ATP8B1: variants seen among roughly 807,000 people sequenced by gnomAD.
ATP8B1 encodes the protein ATPase phospholipid transporting 8B1, also known as phospholipid-transporting ATPase IC.
A neutral mutation model predicts 149.9 loss-of-function variants in ATP8B1; 80 were observed. The ratio of observed to expected loss-of-function variants is 0.53; its 90% confidence interval spans 0.45 to 0.64. ATP8B1 has a LOEUF of 0.64. Ranked by LOEUF, ATP8B1 falls within the 30% of genes least tolerant of loss-of-function variation. ATP8B1 has a pLI of 0.00. For missense variants in ATP8B1, 1,247 were observed against 1,552.6 expected, an observed-to-expected ratio of 0.80 and a Z score of 3.31; for synonymous variants, 536 against 562.8, an observed-to-expected ratio of 0.95 and a Z score of 0.67.
chr18:57,796,286 C>T (rs2080514849), intron 1 of ATP8B1, among the ~76,000 whole-genome samples: 2 of 152,222 alleles, frequency 1.3e-5, no homozygotes, highest in Admixed American at 1.3e-4. Flanking sequence ...CACAGATTTT[C>T]TTTTAATTCT....
Position 57,701,380 on chromosome 18 carries a change from CT to C in ATP8B1, c.394-68del, listed in dbSNP as rs771309013. ...TATCAAGCTTACAGGTAACTTATTGCTAATTCTAAGCTTGCTAATTCCAAGT... is the reference window on the plus strand; with the variant it reads ...TATCAAGCTTACAGGTAACTTATTGCAATTCTAAGCTTGCTAATTCCAAGT... On this transcript the variant is annotated intron_variant, in intron 4 of 27. Transcript: ENST00000648908. The C allele has an allele frequency of 4.0e-4, 550 of 1,382,916 alleles. 2 individuals carry two copies. Among genetic ancestry groups the C allele is most frequent in the Admixed American group, 6.3e-4 (36 of 57,128 alleles). The allele number at this position is 1,382,916 out of a possible 1,614,324, so 85.7% of individuals were successfully genotyped here.
chr18:57,698,400 G>A (rs1164401597), intron 6 of ATP8B1, among the ~76,000 whole-genome samples: 2 of 151,980 alleles, frequency 1.3e-5, no homozygotes, highest in African/African-American at 4.8e-5. Context: ...CTGGAGTGCA[G>A]TGGCACGATC....
chr18:57,686,590 T>A (rs1356846410), intron 13 of ATP8B1, among the ~76,000 whole-genome samples: 1 of 152,078 alleles, frequency 6.6e-6, no homozygotes, highest in Non-Finnish European at 1.5e-5. Flanking sequence ...CCAGGTAATT[T>A]TTGTACTTTT....
At chr18:57,765,894 C>T (rs901141330) in intron 1 of ATP8B1, among the ~76,000 whole-genome samples, 4 of 151,126 alleles carry the variant, frequency 2.6e-5, no homozygotes, top group African/African-American at 9.7e-5. Context: ...ATCGCTCGAA[C>T]CCCGGAGGCA....
intron 1 of ATP8B1, among the ~76,000 whole-genome samples, chr18:57,732,649 G>A (rs972414736): frequency 6.6e-5 from 10 of 151,778 alleles, no homozygotes; most frequent in African/African-American, 1.2e-4. Flanking sequence ...TGTCACCTCC[G>A]CCTCCTGTGT....
intron 1 of ATP8B1, among the ~76,000 whole-genome samples, chr18:57,766,318 A>G (rs1041819142): frequency 2.6e-5 from 4 of 152,212 alleles, no homozygotes; most frequent in African/African-American, 9.6e-5. Context: ...CCAGATAACA[A>G]TAAATTTTTT....
intron 4 of ATP8B1, among the ~76,000 whole-genome samples, chr18:57,701,699 T>C (rs1330929352): frequency 1.3e-5 from 2 of 151,560 alleles, no homozygotes; most frequent in African/African-American, 2.4e-5. Context: ...ACTTTTTTTT[T>C]CTTTTTTTTT....
chr18:57,679,228 T>G (rs1260651250), intron 15 of ATP8B1, among the ~76,000 whole-genome samples: 1 of 148,988 alleles, frequency 6.7e-6, no homozygotes, highest in Non-Finnish European at 1.5e-5. Flanking sequence ...AGACTCTGTC[T>G]CAAAAAAAAA....
chr18:57,671,713 C>T, intron 16 of ATP8B1, 133 bp from the exon 17 acceptor site: 1 of 671,050 alleles, frequency 1.5e-6, no homozygotes, highest in Non-Finnish European at 2.7e-6. Context: ...GCCTCGACCC[C>T]CCAGGCTCAA....
chr18:57,757,654 T>C (rs1373227229), intron 1 of ATP8B1, among the ~76,000 whole-genome samples: 4 of 152,234 alleles, frequency 2.6e-5, no homozygotes, highest in African/African-American at 9.6e-5. Context: ...TCCCATTTCC[T>C]TTCTATATGT....
intron 13 of ATP8B1, 64 bp from the exon 14 acceptor site, chr18:57,685,179 T>C: frequency 1.2e-5 from 19 of 1,563,414 alleles, no homozygotes; most frequent in Non-Finnish European, 1.6e-5. Context: ...CCTCCTTACC[T>C]GGCTTTGCTT....
intron 1 of ATP8B1, among the ~76,000 whole-genome samples, chr18:57,770,796 G>A (rs2080257151): frequency 6.6e-6 from 1 of 152,196 alleles, no homozygotes; most frequent in Admixed American, 6.5e-5. Context: ...CAATGTTAAG[G>A]ACAGAACAGC....
chr18:57,661,883 T>C (rs1910469766), intron 21 of ATP8B1, among the ~76,000 whole-genome samples: 1 of 151,658 alleles, frequency 6.6e-6, no homozygotes, highest in Non-Finnish European at 1.5e-5. Context: ...CCTGGCTAAT[T>C]ATTTTTTTTG....
At chr18:57,708,769 T>C (rs1225295608) in intron 2 of ATP8B1, among the ~76,000 whole-genome samples, 1 of 152,222 alleles carries the variant, frequency 6.6e-6, no homozygotes, top group Non-Finnish European at 1.5e-5. Flanking sequence ...CATAATGATC[T>C]TTCCCAGTCC....
intron 1 of ATP8B1, among the ~76,000 whole-genome samples, chr18:57,768,716 C>T (rs537394827): frequency 1.2e-4 from 18 of 151,652 alleles, no homozygotes; most frequent in African/African-American, 3.2e-4. Flanking sequence ...ATGCAAGAGA[C>T]GGTTGCATGC....
chr18:57,651,526 CA>C (rs1448598419), intron 26 of ATP8B1, among the ~76,000 whole-genome samples: 1 of 152,196 alleles, frequency 6.6e-6, no homozygotes, highest in African/African-American at 2.4e-5. Context: ...GTCTTCCTCC[CA>C]TCATGTTATG....
intron 1 of ATP8B1, among the ~76,000 whole-genome samples, chr18:57,768,921 G>A (rs989410886): frequency 3.9e-4 from 59 of 152,182 alleles, no homozygotes; most frequent in Non-Finnish European, 5.1e-4. Context: ...ATTCAGAGAT[G>A]TTCTTGTTTT....
chr18:57,734,660 C>T (rs2079828124), intron 1 of ATP8B1, among the ~76,000 whole-genome samples: 1 of 152,150 alleles, frequency 6.6e-6, no homozygotes, highest in African/African-American at 2.4e-5. Flanking sequence ...TACTGTGGCA[C>T]AGTTCTAAAG....
chr18:57,774,186 A>G (rs887607347), intron 1 of ATP8B1, among the ~76,000 whole-genome samples: 14 of 151,838 alleles, frequency 9.2e-5, no homozygotes, highest in African/African-American at 3.4e-4. Flanking sequence ...TTACTGTCCT[A>G]GCTCTAATGT....
Sources: allele counts gnomAD v4.1 joint callset (sites outside exome capture counted in the v4.1 genomes callset), GRCh38; gene constraint gnomAD v4.1.1; transcripts MANE v1.5; gene names NCBI Gene and HGNC (gene_info 2026-07-23, HGNC 2026-07-21).